KIAA2012: variants seen among roughly 807,000 people sequenced by gnomAD.
KIAA2012 encodes the protein KIAA2012, also known as uncharacterized protein KIAA2012.
A neutral mutation model predicts 150.6 loss-of-function variants in KIAA2012; 125 were observed. The observed-to-expected ratio is 0.83, with a 90% confidence interval of 0.72 to 0.96. The LOEUF is 0.96. Ranked by LOEUF, KIAA2012 falls within the 40% of genes least tolerant of loss-of-function variation. The pLI, the probability that KIAA2012 is intolerant of heterozygous loss-of-function variation, is 0.00. For missense variants in KIAA2012, 1,219 were observed against 1,354.9 expected, an observed-to-expected ratio of 0.90 and a Z score of 1.57; for synonymous variants, 462 against 504.7, an observed-to-expected ratio of 0.92 and a Z score of 1.13.
chr2:202,204,227 C>G (rs1692593906), intron 23 of KIAA2012, among the ~76,000 whole-genome samples: 1 of 151,892 alleles, frequency 6.6e-6, no homozygotes. Flanking sequence ...TAGGCACGTA[C>G]CACCACACTT....
intron 12 of KIAA2012, among the ~76,000 whole-genome samples, chr2:202,134,707 A>G (rs1691025376): frequency 1.3e-5 from 2 of 152,234 alleles, no homozygotes; most frequent in African/African-American, 4.8e-5. Flanking sequence ...GGCGCCCGCT[A>G]CCACATCTGG....
At chr2:202,103,155 G>T (rs1417596139) in intron 8 of KIAA2012, 41 bp downstream of exon 8, 1 of 1,537,250 alleles carries the variant, frequency 6.5e-7, no homozygotes, top group South Asian at 1.2e-5. Context: ...GGAGAGCCTG[G>T]GATGGGGGGT....
intron 12 of KIAA2012, among the ~76,000 whole-genome samples, chr2:202,129,690 G>A (rs1690879494): frequency 6.6e-6 from 1 of 152,114 alleles, no homozygotes; most frequent in African/African-American, 2.4e-5. Flanking sequence ...CAGGGGAGTG[G>A]CACGGTGTGG....
At chr2:202,198,129 G>A (rs1399148850) in intron 22 of KIAA2012, among the ~76,000 whole-genome samples, 3 of 142,534 alleles carry the variant, frequency 2.1e-5, no homozygotes, top group East Asian at 4.2e-4. Flanking sequence ...AGCTGAGATC[G>A]TGCCATTGCA....
chr2:202,102,878 C>T (rs746798846), intron 7 of KIAA2012, 68 bp from the exon 8 acceptor site: 257 of 1,381,800 alleles, frequency 1.9e-4, no homozygotes, highest in Non-Finnish European at 2.5e-4. Flanking sequence ...GAGACAGTAT[C>T]GTTTGCCCCT....
In KIAA2012 at chr2:202,129,086, C is replaced by G. The variant is rs537302923; in HGVS notation, c.1831+3804C>G. Among the ~76,000 whole-genome samples, 3 of 151,814 alleles carry G rather than the reference C, an allele frequency of 2.0e-5. No individual in the cohort carries two copies. In the South Asian group the frequency reaches 6.3e-4, roughly 32 times the overall value. ...CCAAGATCGCACCATTGCACTCTAG[C>G]CTGGGCAGCAAGAGCAAAACTCCAT... On this transcript the variant is annotated intron_variant, in intron 12 of 23. Coordinates refer to ENST00000498697, the MANE Select transcript of KIAA2012 (RefSeq NM_001277372.4).
chr2:202,161,659 C>T (rs1360442037), intron 14 of KIAA2012, among the ~76,000 whole-genome samples: 1 of 152,032 alleles, frequency 6.6e-6, no homozygotes. Context: ...TTTAGCTTCA[C>T]CTCCCATGAG....
At chr2:202,078,634 A>G (rs1689378383) in intron 2 of KIAA2012, among the ~76,000 whole-genome samples, 1 of 152,186 alleles carries the variant, frequency 6.6e-6, no homozygotes, top group Non-Finnish European at 1.5e-5. Context: ...TATTCATATA[A>G]TAAAAATACC....
intron 13 of KIAA2012, among the ~76,000 whole-genome samples, chr2:202,139,787 A>T (rs957827266): frequency 6.6e-6 from 1 of 152,244 alleles, no homozygotes; most frequent in African/African-American, 2.4e-5. Flanking sequence ...AGTTTTTGAA[A>T]GAGTGTGTGA....
chr2:202,074,415 T>C (rs1689275757), intron 1 of KIAA2012, among the ~76,000 whole-genome samples: 1 of 152,178 alleles, frequency 6.6e-6, no homozygotes, highest in Non-Finnish European at 1.5e-5. Flanking sequence ...AACTGCTTTA[T>C]AGGCCCCTAA....
In KIAA2012 at chr2:202,073,428, A is replaced by G. The variant is rs1021069362; in HGVS notation, c.-200A>G. The G allele has an allele frequency of 1.2e-5, 6 of 513,846 alleles. No homozygotes were observed. The highest frequency in any genetic ancestry group is 1.1e-4 in the African/African-American group (6 of 52,542). 31.8% of individuals were successfully genotyped at this position (513,846 alleles called of 1,614,324 possible). On this transcript the variant is annotated 5_prime_UTR_variant, in exon 1 of 24. Coordinates refer to ENST00000498697, the MANE Select transcript of KIAA2012 (RefSeq NM_001277372.4). ...TGTGCGGTTTATTTTTTCTCTCCAC[A>G]AAGACACACACTGTCTAAACTGTGT... is the stretch of plus-strand genomic sequence containing the variant.
intron 22 of KIAA2012, among the ~76,000 whole-genome samples, chr2:202,200,711 T>TTTTTC (rs1344851016): frequency 6.8e-6 from 1 of 147,914 alleles, no homozygotes; most frequent in African/African-American, 2.5e-5. Context: ...TTGGAACTTT[T>TTTTTC]TTTTTTTTTT....
chr2:202,136,417 G>A (rs1196887330), intron 12 of KIAA2012: 1 of 152,740 alleles, frequency 6.5e-6, no homozygotes, highest in Non-Finnish European at 1.5e-5. Flanking sequence ...GCTGATTGGT[G>A]CGTTTACAAT....
Position 202,109,647 on chromosome 2 carries a change from A to ACGATGTGGCCCCACCG in KIAA2012, c.1509_1510insCGATGTGGCCCCACCG (p.Leu504ArgfsTer13). On this transcript the variant is annotated frameshift_variant, in exon 10 of 24. Transcript: ENST00000498697. LOFTEE classifies it high-confidence loss of function. Reference sequence around the variant, plus strand: ...CCCCACCTCACGATGTGGCCCCACCATTGGATCTTCTACCCCCGATTAAAG... The same window carrying ACGATGTGGCCCCACCG: ...CCCCACCTCACGATGTGGCCCCACCACGATGTGGCCCCACCGTTGGATCTTCTACCCCCGATTAAAG... The ACGATGTGGCCCCACCG allele has an allele frequency of 6.5e-7, 1 of 1,549,358 alleles. No homozygotes were observed. The highest frequency in any genetic ancestry group is 8.7e-7 in the Non-Finnish European group (1 of 1,146,506).
At chr2:202,165,551 A>G (rs1429228218) in intron 15 of KIAA2012, among the ~76,000 whole-genome samples, 195 bp downstream of exon 15, 1 of 152,180 alleles carries the variant, frequency 6.6e-6, no homozygotes, top group Non-Finnish European at 1.5e-5. Context: ...GTGAAACCCC[A>G]TCTGTACTAA....
chr2:202,191,284 CA>C (rs1692324306), intron 19 of KIAA2012, among the ~76,000 whole-genome samples: 6 of 152,026 alleles, frequency 3.9e-5, no homozygotes, highest in Admixed American at 2.0e-4. Context: ...CTAAAAAAAA[CA>C]AAACCACAAG....
At chr2:202,132,140 C>T (rs2105940497) in intron 12 of KIAA2012, among the ~76,000 whole-genome samples, 1 of 152,244 alleles carries the variant, frequency 6.6e-6, no homozygotes, top group Non-Finnish European at 1.5e-5. Flanking sequence ...CATGCCATTG[C>T]ACTCCAGCCT....
chr2:202,149,256 G>A (rs549065491), intron 13 of KIAA2012, among the ~76,000 whole-genome samples: 27 of 152,324 alleles, frequency 1.8e-4, no homozygotes, highest in Middle Eastern at 3.4e-3. Flanking sequence ...GAGCCTGGGG[G>A]TCAGAGGAGG....
intron 7 of KIAA2012, 90 bp downstream of exon 7, chr2:202,100,539 C>G (rs1242697232): frequency 2.0e-5 from 28 of 1,388,792 alleles, no homozygotes; most frequent in Non-Finnish European, 2.7e-5. Flanking sequence ...TAAGGTGACT[C>G]GAAAGGATGT....
Sources: allele counts gnomAD v4.1 joint callset (sites outside exome capture counted in the v4.1 genomes callset), GRCh38; gene constraint gnomAD v4.1.1; transcripts MANE v1.5; gene names NCBI Gene and HGNC (gene_info 2026-07-23, HGNC 2026-07-21).